Variants in FAR2 observed in about 807,000 individuals in gnomAD.
FAR2 encodes the protein fatty acyl-CoA reductase 2.
Under a neutral mutation model 56.0 loss-of-function variants are expected in FAR2, and 19 were observed. The observed-to-expected ratio is 0.34, with a 90% CI of 0.24 to 0.50. FAR2 has a LOEUF of 0.50. FAR2 is among the 20% of genes least tolerant of loss of function. FAR2 has a pLI of 0.98. For missense variants in FAR2, 508 were observed against 642.2 expected (o/e 0.79, Z 2.26); for synonymous variants, 219 against 218.8 (o/e 1.00, Z -0.01).
intron 9 of FAR2, among the ~76,000 whole-genome samples, chr12:29,319,580 T>C (rs1284990240): frequency 2.6e-5 from 4 of 152,198 alleles, no homozygotes; most frequent in African/African-American, 9.6e-5. Flanking sequence ...GGTCTGTTTC[T>C]TTTTAGCTTT....
chr12:29,220,485 T>C (rs1052599927), intron 1 of FAR2, among the ~76,000 whole-genome samples: 19 of 152,188 alleles, frequency 1.2e-4, no homozygotes, highest in African/African-American at 4.3e-4. Context: ...TATGCAGAAA[T>C]CTACAATTTG....
chr12:29,186,419 C>CT (rs1416444477), intron 1 of FAR2, among the ~76,000 whole-genome samples: 5 of 152,186 alleles, frequency 3.3e-5, no homozygotes, highest in Admixed American at 3.3e-4. Context: ...GTCTGATAGA[C>CT]TGTTTTACAG....
At chr12:29,308,699 C>G (rs969947622) in intron 5 of FAR2, among the ~76,000 whole-genome samples, 1 of 56,772 alleles carries the variant, frequency 1.8e-5, no homozygotes, top group Non-Finnish European at 3.6e-5. Flanking sequence ...GACACACACA[C>G]ACACACACAC....
chr12:29,278,479 A>C (rs950533327), intron 2 of FAR2, among the ~76,000 whole-genome samples: 9 of 151,672 alleles, frequency 5.9e-5, no homozygotes, highest in Non-Finnish European at 1.0e-4. Flanking sequence ...AGCTGGGACC[A>C]CAAATATGTG....
intron 1 of FAR2, among the ~76,000 whole-genome samples, chr12:29,219,273 C>T (rs1947657904): frequency 2.0e-5 from 3 of 152,070 alleles, no homozygotes; most frequent in African/African-American, 7.2e-5. Context: ...CAGCCTGGCC[C>T]ATAGTAAACA....
intron 9 of FAR2, chr12:29,317,848 T>C (rs1241918166): frequency 6.6e-6 from 1 of 152,622 alleles, no homozygotes; most frequent in Non-Finnish European, 1.5e-5. Context: ...GAATCTGAAT[T>C]AGTCTCAAAG....
At chr12:29,222,927 T>C (rs1298397795) in intron 1 of FAR2, among the ~76,000 whole-genome samples, 2 of 152,200 alleles carry the variant, frequency 1.3e-5, no homozygotes, top group Admixed American at 6.5e-5. Context: ...CAAAATTATC[T>C]AGCAGAATTG....
At chr12:29,311,663 CTT>C (rs1949354159) in intron 7 of FAR2, among the ~76,000 whole-genome samples, 1 of 118,828 alleles carries the variant, frequency 8.4e-6, no homozygotes, top group African/African-American at 3.6e-5. Context: ...TTTAACATCT[CTT>C]TCACACACAC....
At chr12:29,209,710 G>GTGTGTC (rs750699122) in intron 1 of FAR2, among the ~76,000 whole-genome samples, 15 of 151,842 alleles carry the variant, frequency 9.9e-5, no homozygotes, top group South Asian at 2.1e-4. Context: ...GTGTGTGTGT[G>GTGTGTC]TGTGTGTGTC....
At chr12:29,209,663 C>G (rs745947886) in intron 1 of FAR2, among the ~76,000 whole-genome samples, 1 of 150,870 alleles carries the variant, frequency 6.6e-6, no homozygotes, top group Non-Finnish European at 1.5e-5. Flanking sequence ...TATGTCAACT[C>G]TTTTCTGCTA....
chr12:29,270,644 C>A lies in FAR2; in HGVS notation c.189+6C>A. ...TCCAGATCCTAGACAGTAAGGTATG[C>A]CTTATAGGAAAGCGTGTGTGATGGG... On this transcript the variant is annotated splice_donor_region_variant and intron_variant, in intron 2 of 11. Transcript: ENST00000536681. 2 of 1,599,974 alleles carry A rather than the reference C, an allele frequency of 1.3e-6. No homozygotes were observed.
At position 29,178,273 on chromosome 12, in the gene FAR2, A is replaced by T. The variant is rs573186012; in HGVS notation, c.-39+28866A>T. ...AACTTACATTAAGTGATAATGTTTT[A>T]AAAAGCATATGCCCATAAATAATTT... On this transcript the variant is annotated intron_variant, in intron 1 of 11. Transcript: ENST00000536681. 8.3e-4 allele frequency among the ~76,000 whole-genome samples: 126 copies of T among 152,344 alleles called. 1 individual carries two copies. Among genetic ancestry groups the T allele is most frequent in the African/African-American group, 2.9e-3 (119 of 41,578 alleles).
chr12:29,173,230 C>T (rs544476012), intron 1 of FAR2, among the ~76,000 whole-genome samples: 22 of 152,266 alleles, frequency 1.4e-4, no homozygotes, highest in Non-Finnish European at 2.9e-4. Context: ...GGGCCAAATT[C>T]CCCTTCCCCT....
chr12:29,156,770 G>A (rs577583111), intron 1 of FAR2: 10 of 152,062 alleles, frequency 6.6e-5, no homozygotes, highest in East Asian at 1.9e-4. Context: ...CAGAATCTTT[G>A]GCGTGAGGAT....
At chr12:29,253,347 A>G (rs1948262237) in intron 1 of FAR2, among the ~76,000 whole-genome samples, 1 of 151,026 alleles carries the variant, frequency 6.6e-6, no homozygotes. Context: ...CTATATATCT[A>G]TATCTATCTA....
rs1489134888 is a variant in FAR2 at position 29,308,705 on chromosome 12, C to CATATATATATATATATATATAT, written c.724-480_724-479insTATATATATATATATATATATA. Among the ~76,000 whole-genome samples the CATATATATATATATATATATAT allele has an allele frequency of 1.2e-4, 16 of 132,594 alleles. 3 individuals carry two copies. The highest frequency in any genetic ancestry group is 9.2e-4 in the South Asian group (4 of 4,332). The allele number at this position is 132,594 out of a possible 152,430, so 87.0% of individuals were successfully genotyped here. A position where few individuals can be genotyped will look rare whatever the true frequency, so the allele number is the denominator to read the frequency against. On this transcript the variant is annotated intron_variant, in intron 5 of 11. Transcript: ENST00000536681. Reference sequence around the variant, plus strand: ...AGACACACAGACACACACACACACACACACACACACACACATATATATATA... The same window carrying CATATATATATATATATATATAT: ...AGACACACAGACACACACACACACACATATATATATATATATATATATACACACACACACACATATATATATA...
intron 2 of FAR2, chr12:29,282,476 A>G (rs1948803114): frequency 6.6e-6 from 1 of 152,246 alleles, no homozygotes; most frequent in South Asian, 2.1e-4. Context: ...ATTCCTAAGT[A>G]GGGCCTGGTA....
chr12:29,249,302 T>C (rs1457234533), intron 1 of FAR2, among the ~76,000 whole-genome samples: 21 of 152,238 alleles, frequency 1.4e-4, no homozygotes, highest in Admixed American at 1.4e-3. Context: ...TCCCTCCGTT[T>C]GGGGTCCCTG....
At chr12:29,264,989 T>G (rs1022937348) in intron 1 of FAR2, among the ~76,000 whole-genome samples, 1 of 152,004 alleles carries the variant, frequency 6.6e-6, no homozygotes, top group African/African-American at 2.4e-5. Context: ...ATCTCTACAA[T>G]AAAACCTATA....
Sources: allele counts gnomAD v4.1 joint callset (sites outside exome capture counted in the v4.1 genomes callset), GRCh38; gene constraint gnomAD v4.1.1; transcripts MANE v1.5; gene names NCBI Gene and HGNC (gene_info 2026-07-23, HGNC 2026-07-21).